The following PTPRD variants were observed in gnomAD, a reference collection of about 807,000 sequenced individuals.
The protein encoded by PTPRD is protein tyrosine phosphatase receptor type D.
In PTPRD, 34 loss-of-function variants were observed where a neutral mutation model predicts 214.5. That is an observed-to-expected ratio of 0.16 (90% CI 0.12 to 0.21). The LOEUF is 0.21. Among genes scored for constraint, PTPRD ranks in the 10% least tolerant of loss-of-function variants. The probability of loss-of-function intolerance (pLI) is 1.00; values close to 1 mark genes in which losing one functional copy is unlikely to be tolerated. For missense variants in PTPRD, 2,545 were observed against 2,398.7 expected, an observed-to-expected ratio of 1.06 and a Z score of -1.27; for synonymous variants, 1,128 against 845.7, an observed-to-expected ratio of 1.33 and a Z score of -5.79.
At chr9:9,346,612 C>T (rs2048896585) in intron 9 of PTPRD, among the ~76,000 whole-genome samples, 2 of 152,048 alleles carry the variant, frequency 1.3e-5, no homozygotes. Flanking sequence ...GTATATAAAG[C>T]ACTCTATAAC....
At chr9:8,827,810 G>A (rs1255833124) in intron 11 of PTPRD, among the ~76,000 whole-genome samples, 1 of 152,128 alleles carries the variant, frequency 6.6e-6, no homozygotes, top group African/African-American at 2.4e-5. Flanking sequence ...AAATATGGAT[G>A]TAATCCAATT....
chr9:10,108,868 G>GC (rs2098662803), intron 3 of PTPRD, among the ~76,000 whole-genome samples: 2 of 27,744 alleles, frequency 7.2e-5, no homozygotes, highest in East Asian at 6.8e-4. Flanking sequence ...CACGTAAAGA[G>GC]GGTTTTTTTT....
At chr9:8,915,668 G>C (rs573049849) in intron 11 of PTPRD, among the ~76,000 whole-genome samples, 1 of 152,140 alleles carries the variant, frequency 6.6e-6, no homozygotes. Flanking sequence ...AGGAAGAGAT[G>C]ATGTTTCAAC....
At chr9:10,434,577 G>C (rs138064655) in intron 2 of PTPRD, among the ~76,000 whole-genome samples, 1 of 151,948 alleles carries the variant, frequency 6.6e-6, no homozygotes, top group African/African-American at 2.4e-5. Context: ...GTGATCAGCA[G>C]TATCCTACTA....
At chr9:8,607,959 A>G (rs2095298117) in intron 14 of PTPRD, among the ~76,000 whole-genome samples, 1 of 152,194 alleles carries the variant, frequency 6.6e-6, no homozygotes, top group African/African-American at 2.4e-5. Flanking sequence ...ACTCTATTCA[A>G]GTTAACATGG....
intron 14 of PTPRD, among the ~76,000 whole-genome samples, chr9:8,617,630 A>G (rs2095656970): frequency 6.6e-6 from 1 of 152,130 alleles, no homozygotes; most frequent in African/African-American, 2.4e-5. Flanking sequence ...AGAACAAACA[A>G]AACTACTTTG....
At chr9:10,374,889 A>C (rs2097697836) in intron 2 of PTPRD, among the ~76,000 whole-genome samples, 1 of 152,086 alleles carries the variant, frequency 6.6e-6, no homozygotes, top group South Asian at 2.1e-4. Flanking sequence ...TCAAATTTGA[A>C]AATTCACCCT....
chr9:9,813,113 GAC>G (rs1266010198), intron 5 of PTPRD, among the ~76,000 whole-genome samples: 1 of 151,924 alleles, frequency 6.6e-6, no homozygotes, highest in Non-Finnish European at 1.5e-5. Flanking sequence ...AAAAGAAAAA[GAC>G]AACATGCAAA....
chr9:9,436,490 T>C (rs111988822), intron 8 of PTPRD, among the ~76,000 whole-genome samples: 1 of 152,180 alleles, frequency 6.6e-6, no homozygotes, highest in African/African-American at 2.4e-5. Flanking sequence ...CTCCCTAATT[T>C]CATCCTTGAT....
At chr9:10,390,670 T>G (rs1239338856) in intron 2 of PTPRD, among the ~76,000 whole-genome samples, 6 of 151,786 alleles carry the variant, frequency 4.0e-5, no homozygotes, top group African/African-American at 1.4e-4. Flanking sequence ...ACTTTTCTCT[T>G]CAAGATGGGG....
Position 8,894,355 on chromosome 9 carries a change from C to CAAAAAAAAAA in PTPRD, c.-104+124332_-104+124341dup, listed in dbSNP as rs34776407. On this transcript the variant is annotated intron_variant, in intron 11 of 45. Transcript: ENST00000381196. ...GGGCAACAAGAGTGAGACTCCATCT[C>CAAAAAAAAAA]AAAAAAAAAAAAAAAAAAAAGTCTG... 4.0e-5 allele frequency among the ~76,000 whole-genome samples: 3 copies of CAAAAAAAAAA among 74,446 alleles called. 1 individual carries two copies. Among genetic ancestry groups the CAAAAAAAAAA allele is most frequent in the Non-Finnish European group, 5.4e-5 (2 of 37,184 alleles). The allele number at this position is 74,446 out of a possible 152,430, so 48.8% of individuals were successfully genotyped here. A position where few individuals can be genotyped will look rare whatever the true frequency, so the allele number is the denominator to read the frequency against.
chr9:10,372,009 T>C (rs1326853404), intron 2 of PTPRD, among the ~76,000 whole-genome samples: 3 of 152,002 alleles, frequency 2.0e-5, no homozygotes, highest in East Asian at 3.9e-4. Context: ...ATCAACCACA[T>C]GCACAGTGGG....
intron 3 of PTPRD, among the ~76,000 whole-genome samples, chr9:10,245,550 C>T (rs1208028372): frequency 6.6e-6 from 1 of 152,146 alleles, no homozygotes; most frequent in Middle Eastern, 3.2e-3. Flanking sequence ...GGTGCACTCG[C>T]TCTTTTCATT....
chr9:9,470,596 G>A (rs2094520539), intron 8 of PTPRD, among the ~76,000 whole-genome samples: 1 of 152,180 alleles, frequency 6.6e-6, no homozygotes, highest in Non-Finnish European at 1.5e-5. Context: ...AATAAAGGCA[G>A]CTGTCCTCTT....
At chr9:10,457,865 T>C (rs1278986571) in intron 2 of PTPRD, among the ~76,000 whole-genome samples, 1 of 151,934 alleles carries the variant, frequency 6.6e-6, no homozygotes, top group Non-Finnish European at 1.5e-5. Context: ...ACTAAACAAA[T>C]AGAGATAAGA....
chr9:9,435,666 A>G (rs1215611883), intron 8 of PTPRD, among the ~76,000 whole-genome samples: 1 of 152,184 alleles, frequency 6.6e-6, no homozygotes, highest in Non-Finnish European at 1.5e-5. Context: ...TGCATATATC[A>G]TATTTATCTA....
intron 11 of PTPRD, among the ~76,000 whole-genome samples, chr9:8,916,293 C>T (rs983143662): frequency 8.6e-5 from 13 of 151,904 alleles, no homozygotes; most frequent in Non-Finnish European, 1.8e-4. Flanking sequence ...AGAGAGAAGT[C>T]CTAAAATTAA....
intron 7 of PTPRD, among the ~76,000 whole-genome samples, chr9:9,729,971 T>C (rs898583093): frequency 1.2e-4 from 18 of 152,262 alleles, no homozygotes; most frequent in African/African-American, 4.3e-4. Context: ...ACTGTGAGAT[T>C]GGTATATATG....
intron 5 of PTPRD, among the ~76,000 whole-genome samples, chr9:9,865,116 A>G (rs2063655618): frequency 6.6e-6 from 1 of 152,176 alleles, no homozygotes; most frequent in Non-Finnish European, 1.5e-5. Context: ...ATCATAGACA[A>G]TGATATTTGT....
Sources: gnomAD v4.1 joint callset for allele counts (sites outside exome capture counted in the v4.1 genomes callset) on GRCh38, gnomAD v4.1.1 for gene constraint, MANE v1.5 for transcripts, NCBI Gene and HGNC (gene_info 2026-07-23, HGNC 2026-07-21) for gene names.